Variants in UBR2 observed in about 807,000 individuals in gnomAD.
UBR2 encodes ubiquitin protein ligase E3 component n-recognin 2.
Under a neutral mutation model 247.9 loss-of-function variants are expected in UBR2, and 92 were observed. That is an observed-to-expected ratio of 0.37 (90% CI 0.31 to 0.44). UBR2 has a LOEUF of 0.44. Among genes scored for constraint, UBR2 ranks in the 20% least tolerant of loss-of-function variants. UBR2 has a pLI of 1.00. For synonymous variants in UBR2, 672 were observed against 693.5 expected (o/e 0.97, Z 0.49); for missense variants, 1,613 against 2,112.6 (o/e 0.76, Z 4.64).
Position 42,615,195 on chromosome 6 carries a change from CT to C in UBR2, c.1093+21del, listed in dbSNP as rs1562313276. On this transcript the variant is annotated intron_variant, in intron 9 of 46. Coordinates refer to ENST00000372901, the MANE Select transcript of UBR2 (RefSeq NM_001363705.2). ...TATGGAAAGGTGAATCTCTTAACTA[CT>C]TTTAAGGTGTAGAGGAACCTATATA... 2 of 1,594,732 alleles carry C rather than the reference CT, an allele frequency of 1.3e-6. No individual in the cohort carries two copies.
chr6:42,597,324 C>T (rs558558048), intron 4 of UBR2, among the ~76,000 whole-genome samples: 9 of 152,156 alleles, frequency 5.9e-5, no homozygotes, highest in Non-Finnish European at 8.8e-5. Context: ...AGGCCAGGCG[C>T]GGTGACTCAT....
intron 22 of UBR2, among the ~76,000 whole-genome samples, chr6:42,649,926 C>T (rs1484389201): frequency 1.3e-5 from 2 of 152,138 alleles, no homozygotes; most frequent in Non-Finnish European, 2.9e-5. Context: ...CTTAATAGAA[C>T]AACACGGAAG....
chr6:42,603,064 C>T (rs966065033), intron 4 of UBR2, among the ~76,000 whole-genome samples: 1 of 152,148 alleles, frequency 6.6e-6, no homozygotes, highest in Non-Finnish European at 1.5e-5. Context: ...CATGCATGCA[C>T]GTCTCACCCT....
At chr6:42,622,405 G>GTTTTTTTTTTTTTTTTTTTT (rs112798050) in intron 11 of UBR2, among the ~76,000 whole-genome samples, 1 of 138,794 alleles carries the variant, frequency 7.2e-6, no homozygotes, top group African/African-American at 2.7e-5. Context: ...TTTTTGGTGG[G>GTTTTTTTTTTTTTTTTTTTT]TTTTTTTTTT....
chr6:42,669,494 G>A (rs1172823193), intron 34 of UBR2, among the ~76,000 whole-genome samples: 1 of 152,002 alleles, frequency 6.6e-6, no homozygotes, highest in Non-Finnish European at 1.5e-5. Context: ...ATTTTCTTAT[G>A]ATTTTTTTTG....
At chr6:42,649,595 T>C (rs183840117) in intron 22 of UBR2, among the ~76,000 whole-genome samples, 164 of 152,330 alleles carry the variant, frequency 1.1e-3, no homozygotes, top group Non-Finnish European at 1.8e-3. Context: ...GTCAACACTT[T>C]AATATGAGCA....
intron 24 of UBR2, 33 bp downstream of exon 24, chr6:42,652,104 A>G: frequency 6.4e-7 from 1 of 1,552,442 alleles, no homozygotes; most frequent in Non-Finnish European, 8.7e-7. Flanking sequence ...TGTCTTGCCC[A>G]TCTTTTTTGC....
chr6:42,588,489 C>T (rs1174420267), intron 2 of UBR2, among the ~76,000 whole-genome samples: 2 of 152,080 alleles, frequency 1.3e-5, no homozygotes, highest in African/African-American at 4.8e-5. Flanking sequence ...GGACAACATA[C>T]CAAGATGCTG....
At chr6:42,595,227 A>G (rs1792892837) in intron 4 of UBR2, among the ~76,000 whole-genome samples, 1 of 152,202 alleles carries the variant, frequency 6.6e-6, no homozygotes, top group African/African-American at 2.4e-5. Context: ...TAGTCATGCT[A>G]TAGTGCTGTA....
chr6:42,645,523 A>G lies in UBR2; in HGVS notation c.2342A>G (p.Glu781Gly). ...AATGCTACAGATGAAATCAAGCGAG[A>G]GATTATCCATCAGTTGAGTATCAAG... is the stretch of plus-strand genomic sequence containing the variant. ...QVNATDEIKR[E>G]IIHQLSIKPM... is the part of the protein sequence containing the mutation. The change falls in exon 21 of 47, where the codon GAG (glutamate) becomes GGG (glycine). Residue 781 changes from glutamate to glycine, a missense_variant. Coordinates refer to ENST00000372901, the MANE Select transcript of UBR2 (RefSeq NM_001363705.2). The G allele has an allele frequency of 2.5e-6, 4 of 1,613,826 alleles. No individual in the cohort carries two copies. The highest frequency in any genetic ancestry group is 3.4e-6 in the Non-Finnish European group (4 of 1,179,742).
At chr6:42,676,522 G>A (rs1184444969) in intron 39 of UBR2, among the ~76,000 whole-genome samples, 5 of 151,952 alleles carry the variant, frequency 3.3e-5, no homozygotes. Flanking sequence ...ATTAAATTAC[G>A]TTTTGCATTC....
intron 26 of UBR2, among the ~76,000 whole-genome samples, chr6:42,657,581 TAAAC>T (rs1797515215): frequency 6.6e-6 from 1 of 152,234 alleles, no homozygotes; most frequent in African/African-American, 2.4e-5. Flanking sequence ...TATATTCAAA[TAAAC>T]AAACTATGAA....
intron 16 of UBR2, among the ~76,000 whole-genome samples, chr6:42,640,943 G>T (rs1016909822): frequency 1.3e-5 from 2 of 151,586 alleles, no homozygotes; most frequent in African/African-American, 2.4e-5. Context: ...TGCCCAGGCT[G>T]GTCTGGAACT....
intron 1 of UBR2, among the ~76,000 whole-genome samples, chr6:42,564,995 G>A (rs1790694625): frequency 6.6e-6 from 1 of 152,132 alleles, no homozygotes; most frequent in African/African-American, 2.4e-5. Context: ...AGTTTACTGA[G>A]TATGAGAAAG....
chr6:42,659,564 AC>A lies in UBR2; in HGVS notation c.3243-91del. 2.0e-6 allele frequency: 1 copy of A among 509,564 alleles called. No individual in the cohort carries two copies. The highest frequency in any genetic ancestry group is 3.1e-6 in the Non-Finnish European group (1 of 326,686). The allele number at this position is 509,564 out of a possible 1,614,324, so 31.6% of individuals were successfully genotyped here. ...ACACACACACACACACACACACACT[AC>A]ACACACACACACATACCTGTAGTCT... On this transcript the variant is annotated intron_variant, in intron 29 of 46. Coordinates refer to ENST00000372901, the MANE Select transcript of UBR2 (RefSeq NM_001363705.2). The surrounding 1 kb of genome is among the most constrained non-coding windows in gnomAD (Gnocchi z 4.3).
chr6:42,676,863 T>C lies in UBR2; in HGVS notation c.4468T>C (p.Tyr1490His). The part of the protein sequence containing the change: ...VLALYKTLHQ[Y>H]TGSALKEIPS... ...TGCTTTGTATAAAACACTTCACCAG[T>C]ATACGGGAAGGTGAGTTAGTTATCT... The change falls in exon 40 of 47, where the codon TAT (tyrosine) becomes CAT (histidine). Residue 1490 changes from tyrosine (Y) to histidine (H), a missense_variant. Around this residue, in one of 3 missense-constraint regions of UBR2, gnomAD observed 1,524 missense variants for 1,967.3 expected, o/e 0.77. Coordinates refer to ENST00000372901, the MANE Select transcript of UBR2 (RefSeq NM_001363705.2). 1 of 1,613,342 alleles carries C rather than the reference T, an allele frequency of 6.2e-7. No homozygotes were observed.
At chr6:42,678,370 C>T (rs542202119) in intron 40 of UBR2, among the ~76,000 whole-genome samples, 169 bp from the exon 41 acceptor site, 55 of 152,344 alleles carry the variant, frequency 3.6e-4, no homozygotes, top group African/African-American at 1.3e-3. Context: ...GGCTGTGTCA[C>T]CACTTACACC....
At chr6:42,678,696 A>G in intron 41 of UBR2, 27 bp downstream of exon 41, 1 of 1,597,778 alleles carries the variant, frequency 6.3e-7, no homozygotes, top group Non-Finnish European at 8.5e-7. Flanking sequence ...TTCAAAACGT[A>G]GGGAGAGTTA....
chr6:42,676,124 A>G lies in UBR2; in HGVS notation c.4320A>G (p.Gly1440=). ...QDFSGISLGT[G]DLHIFHLVTM... is the part of the protein sequence containing the mutation. ...TTTCAGGGATCAGCCTTGGCACTGG[A>G]GACCTTCACATTTTCCATCTGGTTA... The change falls in exon 39 of 47, where the codon GGA becomes GGG. Residue 1440 remains glycine (G), a synonymous_variant. Coordinates refer to ENST00000372901, the MANE Select transcript of UBR2 (RefSeq NM_001363705.2). 6.2e-7 allele frequency: 1 copy of G among 1,613,784 alleles called. No individual in the cohort carries two copies. Among genetic ancestry groups the G allele is most frequent in the Non-Finnish European group, 8.5e-7 (1 of 1,179,978 alleles).
Sources: gnomAD v4.1 joint callset for allele counts (sites outside exome capture counted in the v4.1 genomes callset) on GRCh38, gnomAD v4.1.1 for gene constraint, gnomAD v4.1.1 regional missense constraint, Gnocchi (gnomAD v3.1) non-coding constraint, MANE v1.5 for transcripts, NCBI Gene and HGNC (gene_info 2026-07-23, HGNC 2026-07-21) for gene names.